The following NEK10 variants were observed in gnomAD, a reference collection of about 807,000 sequenced individuals.
NEK10 encodes the protein serine/threonine-protein kinase Nek10.
In NEK10, 122 loss-of-function variants were observed where a neutral mutation model predicts 159.8. The observed-to-expected ratio is 0.76, with a 90% CI of 0.66 to 0.89. NEK10 has a LOEUF of 0.89. Among genes scored for constraint, NEK10 ranks in the 40% least tolerant of loss-of-function variants. The pLI, the probability that NEK10 is intolerant of heterozygous loss-of-function variation, is 0.00. For missense variants in NEK10, 1,342 were observed against 1,323.1 expected (o/e 1.01, Z -0.22); for synonymous variants, 466 against 457.1 (o/e 1.02, Z -0.25).
chr3:27,275,378 G>A (rs1413235155), intron 22 of NEK10, among the ~76,000 whole-genome samples: 1 of 152,194 alleles, frequency 6.6e-6, no homozygotes, highest in Non-Finnish European at 1.5e-5. Flanking sequence ...CAAGGCAACT[G>A]TGATAACTTG....
chr3:27,132,231 GATTGAT>G (rs1457432060), intron 31 of NEK10, among the ~76,000 whole-genome samples: 2 of 152,060 alleles, frequency 1.3e-5, no homozygotes, highest in African/African-American at 4.8e-5. Context: ...TTTCTTCATT[GATTGAT>G]ATTATTTTTC....
At chr3:27,185,944 G>A (rs1575150637) in intron 26 of NEK10, among the ~76,000 whole-genome samples, 1 of 152,318 alleles carries the variant, frequency 6.6e-6, no homozygotes, top group East Asian at 1.9e-4. Flanking sequence ...ACATTTCAAA[G>A]ACAGAATTAG....
intron 12 of NEK10, among the ~76,000 whole-genome samples, chr3:27,303,415 GATT>G (rs1412746395): frequency 2.0e-5 from 3 of 152,082 alleles, no homozygotes; most frequent in African/African-American, 7.2e-5. Flanking sequence ...TAATAGGTAT[GATT>G]GTCCAATAAT....
intron 1 of NEK10, among the ~76,000 whole-genome samples, chr3:27,362,975 T>A (rs563403307): frequency 3.3e-5 from 5 of 152,136 alleles, no homozygotes; most frequent in Non-Finnish European, 7.4e-5. Context: ...TTTGACCAAT[T>A]ATGCCCTTAT....
intron 29 of NEK10, among the ~76,000 whole-genome samples, chr3:27,171,077 G>T (rs1946937666): frequency 6.6e-6 from 1 of 152,048 alleles, no homozygotes; most frequent in African/African-American, 2.4e-5. Context: ...TCCTATCTCT[G>T]CCTCTGGAAC....
At chr3:27,252,150 C>T in intron 23 of NEK10, 1 of 450,974 alleles carries the variant, frequency 2.2e-6, no homozygotes, top group South Asian at 1.7e-5. Context: ...AAGTCCTATG[C>T]TTATGGAGCT....
intron 23 of NEK10, among the ~76,000 whole-genome samples, chr3:27,223,155 T>C (rs1952287589): frequency 6.6e-6 from 1 of 152,184 alleles, no homozygotes; most frequent in Non-Finnish European, 1.5e-5. Context: ...ATAACAAAGG[T>C]GCTGTGTTTG....
At chr3:27,242,680 A>C (rs1194721859) in intron 23 of NEK10, among the ~76,000 whole-genome samples, 3 of 152,204 alleles carry the variant, frequency 2.0e-5, no homozygotes, top group Admixed American at 2.0e-4. Flanking sequence ...TATTTACTAA[A>C]TTTATGAAGA....
chr3:27,367,991 C>A (rs898920734), intron 1 of NEK10, among the ~76,000 whole-genome samples: 1 of 152,056 alleles, frequency 6.6e-6, no homozygotes, highest in African/African-American at 2.4e-5. Context: ...CCCTTATGTG[C>A]GTTTTAAAAA....
chr3:27,305,614 T>TA (rs760028989), intron 11 of NEK10, among the ~76,000 whole-genome samples: 30 of 112,340 alleles, frequency 2.7e-4, no homozygotes, highest in East Asian at 1.7e-3. Flanking sequence ...TGCTAAAGAC[T>TA]AAAAAAAAAA....
At chr3:27,363,221 T>C (rs1304218569) in intron 1 of NEK10, among the ~76,000 whole-genome samples, 9 of 152,198 alleles carry the variant, frequency 5.9e-5, no homozygotes, top group Admixed American at 5.9e-4. Context: ...TATCCATTCT[T>C]TGAGCTGACC....
In NEK10 at chr3:27,106,706, T is replaced by C. The variant is rs1462266228; in HGVS notation, c.*4566A>G. On this transcript the variant is annotated 3_prime_UTR_variant, in exon 36 of 36. Transcript: ENST00000691995. ...GGCACAAACTTCTCTCTGCATGTTT[T>C]ATGGGACCAGTTTTTCACATGTTTG... Among the ~76,000 whole-genome samples the C allele has an allele frequency of 1.3e-5, 2 of 152,234 alleles. No homozygotes were observed. The highest frequency in any genetic ancestry group is 2.4e-5 in the African/African-American group (1 of 41,470).
chr3:27,163,508 C>A (rs1249603416), intron 29 of NEK10, among the ~76,000 whole-genome samples: 1 of 152,006 alleles, frequency 6.6e-6, no homozygotes, highest in Non-Finnish European at 1.5e-5. Flanking sequence ...CCCGCCACCA[C>A]GCCCAGCTAA....
At chr3:27,132,072 C>A in intron 31 of NEK10, 82 bp from the exon 32 acceptor site, 1 of 702,692 alleles carries the variant, frequency 1.4e-6, no homozygotes, top group East Asian at 2.7e-5. Context: ...GCTGAGGGCC[C>A]ATGTAACAAT....
chr3:27,151,092 G>A (rs1944815546), intron 30 of NEK10, among the ~76,000 whole-genome samples: 1 of 151,806 alleles, frequency 6.6e-6, no homozygotes, highest in Admixed American at 6.6e-5. Flanking sequence ...GAAGACAAAG[G>A]ACGTATAATC....
intron 30 of NEK10, among the ~76,000 whole-genome samples, chr3:27,148,226 T>G (rs952174554): frequency 1.8e-4 from 27 of 152,328 alleles, no homozygotes; most frequent in Admixed American, 1.5e-3. Context: ...TAGAATGGTT[T>G]GGACACAGCC....
At position 27,202,456 on chromosome 3, in the gene NEK10, C is replaced by T. The variant is rs200961965; in HGVS notation, c.2192G>A (p.Ser731Asn). ...TGTAGCCAAGGACAGCATGTTAGTG[C>T]TGTAGAAGGGGGGACTCAAAGTCGC... ...QMATLSPPFY[S>N]TNMLSLATKI... The change falls in exon 24 of 36, where the codon AGC becomes AAC. Residue 731 changes from serine (S) to asparagine (N), a missense_variant. Transcript: ENST00000691995. 207 of 1,613,562 alleles carry T rather than the reference C, an allele frequency of 1.3e-4. No homozygotes were observed. Among genetic ancestry groups the T allele is most frequent in the Non-Finnish European group, 1.6e-4 (194 of 1,179,768 alleles).
chr3:27,296,559 A>C (rs1254914439), intron 14 of NEK10, among the ~76,000 whole-genome samples: 1 of 152,182 alleles, frequency 6.6e-6, no homozygotes, highest in Admixed American at 6.5e-5. Flanking sequence ...ACACAACCAA[A>C]AATGTTTTCT....
intron 25 of NEK10, among the ~76,000 whole-genome samples, chr3:27,195,279 A>T (rs1423650624): frequency 1.3e-5 from 2 of 152,254 alleles, no homozygotes; most frequent in Non-Finnish European, 2.9e-5. Flanking sequence ...GATCATTAAG[A>T]ATACTTGCCT....
Sources: gnomAD v4.1 joint callset for allele counts (sites outside exome capture counted in the v4.1 genomes callset) on GRCh38, gnomAD v4.1.1 for gene constraint, MANE v1.5 for transcripts, NCBI Gene and HGNC (gene_info 2026-07-23, HGNC 2026-07-21) for gene names.